Variants in GRIN2B observed in about 807,000 individuals in gnomAD.
GRIN2B encodes glutamate ionotropic receptor NMDA type subunit 2B, also known as glutamate receptor ionotropic, NMDA 2B.
A neutral mutation model predicts 114.5 loss-of-function variants in GRIN2B; 5 were observed. The ratio of observed to expected loss-of-function variants is 0.04; its 90% CI spans 0.02 to 0.09. The LOEUF is 0.09. GRIN2B is among the 10% of genes least tolerant of loss of function. The probability of loss-of-function intolerance (pLI) is 1.00; values close to 1 mark genes in which losing one functional copy is unlikely to be tolerated. For synonymous variants in GRIN2B, 787 were observed against 745.1 expected (o/e 1.06, Z -0.92); for missense variants, 1,108 against 1,943.5 (o/e 0.57, Z 8.08).
chr12:13,866,346 T>TC, intron 2 of GRIN2B, 120 bp from the exon 3 acceptor site: 2 of 805,992 alleles, frequency 2.5e-6, no homozygotes, highest in Non-Finnish European at 4.2e-6. Flanking sequence ...CAAACCCAAC[T>TC]CCATCTACCA....
intron 10 of GRIN2B, among the ~76,000 whole-genome samples, chr12:13,579,391 G>GTGACCTTGATCAACTCACTTAACTTAT (rs1412407996): frequency 2.0e-5 from 3 of 152,330 alleles, no homozygotes. Context: ...TGATAGCTGT[G>GTGACCTTGATCAACTCACTTAACTTAT]TGACCTTGAT....
chr12:13,587,173 C>G lies in GRIN2B; in HGVS notation c.2011-15209G>C, dbSNP rs565059707. On this transcript the variant is annotated intron_variant, in intron 10 of 13. Coordinates refer to ENST00000609686, the MANE Select transcript of GRIN2B (RefSeq NM_000834.5). ...GGAAGGACAGAGAAGAGTAAACTTT[C>G]TTTAGATCCTCTTCCAAATTTTAGA... 1.2e-4 allele frequency among the ~76,000 whole-genome samples: 18 copies of G among 152,144 alleles called. No homozygotes were observed. In the South Asian group the frequency reaches 3.7e-3, roughly 32 times the overall value.
chr12:13,825,271 C>T (rs1005400526), intron 3 of GRIN2B, among the ~76,000 whole-genome samples: 7 of 151,722 alleles, frequency 4.6e-5, no homozygotes, highest in Non-Finnish European at 1.0e-4. Context: ...GGTCACAGAA[C>T]ACATTTTGTA....
intron 3 of GRIN2B, among the ~76,000 whole-genome samples, chr12:13,794,038 CAAAAAAAAAAA>C (rs59335663): frequency 2.5e-5 from 2 of 79,226 alleles, no homozygotes; most frequent in South Asian, 9.6e-4. Flanking sequence ...CCCATCTCTA[CAAAAAAAAAAA>C]AAAAAAAAAA....
chr12:13,873,953 G>A (rs1369510258), intron 2 of GRIN2B, among the ~76,000 whole-genome samples: 1 of 152,214 alleles, frequency 6.6e-6, no homozygotes, highest in East Asian at 1.9e-4. Flanking sequence ...GAGAAGAGCA[G>A]GATAGATGGG....
rs1948480380 is a variant in GRIN2B, at chr12:13,556,453, G to C, written c.*6330C>G. ...CTAGGGACATAGTACGTGCACAATA[G>C]ACGTTGGTTTAATTAAACTCACATA... is the stretch of plus-strand genomic sequence containing the variant. On this transcript the variant is annotated 3_prime_UTR_variant, in exon 14 of 14. Transcript: ENST00000609686. The C allele has an allele frequency of 6.6e-6, 1 of 152,076 alleles. No homozygotes were observed. Among genetic ancestry groups the C allele is most frequent in the African/African-American group, 2.4e-5 (1 of 41,414 alleles). The allele number at this position is 152,076 out of a possible 1,614,324, so 9.4% of individuals were successfully genotyped here.
At chr12:13,624,268 G>A (rs933484071) in intron 5 of GRIN2B, among the ~76,000 whole-genome samples, 4 of 152,092 alleles carry the variant, frequency 2.6e-5, no homozygotes, top group Non-Finnish European at 5.9e-5. Context: ...TAACAACTAT[G>A]TTCTCAGTAA....
intron 4 of GRIN2B, among the ~76,000 whole-genome samples, chr12:13,720,685 C>T (rs76502232): frequency 0.013 from 1,967 of 152,062 alleles, 54 homozygotes; most frequent in African/African-American, 0.045. Context: ...TAAACAAACA[C>T]CTTATTTATA....
chr12:13,874,359 A>G (rs929041127), intron 2 of GRIN2B, among the ~76,000 whole-genome samples: 1 of 152,236 alleles, frequency 6.6e-6, no homozygotes, highest in African/African-American at 2.4e-5. Flanking sequence ...CAAGGTTTGT[A>G]CAGATAACTA....
intron 10 of GRIN2B, among the ~76,000 whole-genome samples, chr12:13,589,090 CT>C (rs1397293157): frequency 6.6e-5 from 10 of 152,218 alleles, no homozygotes; most frequent in African/African-American, 2.4e-4. Context: ...CACAATTTAC[CT>C]GAAATTCACA....
chr12:13,775,087 A>G (rs1863979730), intron 3 of GRIN2B, among the ~76,000 whole-genome samples: 1 of 152,172 alleles, frequency 6.6e-6, no homozygotes, highest in African/African-American at 2.4e-5. Context: ...CAATTTAAAC[A>G]GAAGTGACGA....
At chr12:13,809,108 C>T (rs924328522) in intron 3 of GRIN2B, among the ~76,000 whole-genome samples, 10 of 152,224 alleles carry the variant, frequency 6.6e-5, no homozygotes, top group South Asian at 2.1e-4. Context: ...GAGCAGCATC[C>T]CTGGCCTCCA....
At chr12:13,734,734 A>G (rs1180113431) in intron 4 of GRIN2B, among the ~76,000 whole-genome samples, 1 of 152,196 alleles carries the variant, frequency 6.6e-6, no homozygotes, top group Non-Finnish European at 1.5e-5. Context: ...GGTATGAACA[A>G]AGGGCTATGG....
At chr12:13,904,529 C>T (rs1866507170) in intron 2 of GRIN2B, among the ~76,000 whole-genome samples, 1 of 152,004 alleles carries the variant, frequency 6.6e-6, no homozygotes, top group Admixed American at 6.6e-5. Flanking sequence ...TTGCAAATGG[C>T]TAATAATCAT....
chr12:13,565,652 T>C (rs531554469), intron 13 of GRIN2B, among the ~76,000 whole-genome samples: 17 of 152,264 alleles, frequency 1.1e-4, no homozygotes, highest in Admixed American at 4.6e-4. Context: ...TCTCCCTGGC[T>C]AGGGAAAGCA....
intron 2 of GRIN2B, among the ~76,000 whole-genome samples, chr12:13,908,271 A>T (rs1866577014): frequency 6.6e-6 from 1 of 152,080 alleles, no homozygotes; most frequent in South Asian, 2.1e-4. Flanking sequence ...TATAGTGCTC[A>T]GTTATAATGG....
At chr12:13,955,397 A>T (rs1340769264) in intron 2 of GRIN2B, among the ~76,000 whole-genome samples, 1 of 152,182 alleles carries the variant, frequency 6.6e-6, no homozygotes, top group Non-Finnish European at 1.5e-5. Context: ...ATGCTGAAAG[A>T]TTAACAGAAA....
At chr12:13,574,663 C>G (rs915518767) in intron 10 of GRIN2B, among the ~76,000 whole-genome samples, 1 of 152,124 alleles carries the variant, frequency 6.6e-6, no homozygotes, top group Non-Finnish European at 1.5e-5. Context: ...TTTCATACAG[C>G]TCTTTATATA....
chr12:13,672,650 C>T (rs1209188913), intron 5 of GRIN2B, among the ~76,000 whole-genome samples: 1 of 152,132 alleles, frequency 6.6e-6, no homozygotes, highest in African/African-American at 2.4e-5. Context: ...GGCTCTATGA[C>T]CTCAATGAAC....
Sources: allele counts gnomAD v4.1 joint callset (sites outside exome capture counted in the v4.1 genomes callset), GRCh38; gene constraint gnomAD v4.1.1; transcripts MANE v1.5; gene names NCBI Gene and HGNC (gene_info 2026-07-23, HGNC 2026-07-21).